Variants in SMG1 observed in about 807,000 individuals in gnomAD.
SMG1 encodes the protein serine/threonine-protein kinase SMG1.
In SMG1, 22 loss-of-function variants were observed where a neutral mutation model predicts 419.9. The observed-to-expected ratio is 0.05, with a 90% CI of 0.04 to 0.07. The LOEUF is 0.07. Ranked by LOEUF, SMG1 falls within the 10% of genes least tolerant of loss-of-function variation. The probability of loss-of-function intolerance (pLI) is 1.00; values close to 1 mark genes in which losing one functional copy is unlikely to be tolerated. For missense variants in SMG1, 3,185 were observed against 4,342.0 expected (o/e 0.73, Z 7.49); for synonymous variants, 1,538 against 1,553.5 (o/e 0.99, Z 0.23).
intron 1 of SMG1, among the ~76,000 whole-genome samples, chr16:18,913,703 C>T (rs550905571): frequency 6.6e-6 from 1 of 151,984 alleles, no homozygotes; most frequent in Admixed American, 6.6e-5. Context: ...CATGTATGTG[C>T]AGTGAGGCCA....
At chr16:18,862,471 T>G (rs889397444) in intron 25 of SMG1, among the ~76,000 whole-genome samples, 5 of 152,156 alleles carry the variant, frequency 3.3e-5, no homozygotes, top group African/African-American at 9.7e-5. Context: ...AGCTTAGACT[T>G]TCTCCTTAGT....
intron 38 of SMG1, 148 bp from the exon 39 acceptor site, chr16:18,845,799 T>C: frequency 1.5e-6 from 1 of 664,234 alleles, no homozygotes; most frequent in Non-Finnish European, 2.5e-6. Context: ...ACAAAGTAAA[T>C]TACTAACAAA....
In SMG1 at chr16:18,884,561, C is replaced by A. The variant is rs185650813; in HGVS notation, c.1022-394G>T. 1.9e-3 allele frequency among the ~76,000 whole-genome samples: 288 copies of A among 152,324 alleles called. 1 individual carries two copies. The highest frequency in any genetic ancestry group is 6.8e-3 in the South Asian group (33 of 4,830). On this transcript the variant is annotated intron_variant, in intron 8 of 62. Transcript: ENST00000446231. ...CAGTGAAAATGAAACAGGCCACTAT[C>A]ACCTGAATATCCTATTTTCAAAAGT...
intron 11 of SMG1, chr16:18,878,470 T>C (rs2036240975): frequency 6.6e-6 from 1 of 151,854 alleles, no homozygotes; most frequent in Non-Finnish European, 1.5e-5. Context: ...TAGCCAGGCA[T>C]GGTGGCATGC....
At position 18,804,880 on chromosome 16, in the gene SMG1, A is replaced by C. The variant is rs1173627319; in HGVS notation, c.*4689T>G. On this transcript the variant is annotated 3_prime_UTR_variant, in exon 63 of 63. Transcript: ENST00000446231. ...CTGTATCTTTTGAGACTGAACCTTT[A>C]TTTTCTGAAAAACAGGTATTTCATA... 6.6e-6 allele frequency: 1 copy of C among 152,644 alleles called. No individual in the cohort carries two copies. The highest frequency in any genetic ancestry group is 2.1e-4 in the South Asian group (1 of 4,832). The allele number at this position is 152,644 out of a possible 1,614,324, so 9.5% of individuals were successfully genotyped here. A position where few individuals can be genotyped will look rare whatever the true frequency, so the allele number is the denominator to read the frequency against.
At position 18,833,052 on chromosome 16, in the gene SMG1, T is replaced by G. The variant is rs372560461; in HGVS notation, c.8680A>C (p.Thr2894Pro). ...LHELDGLIEQ[T>P]TDGVPLQTLV... Reference sequence around the variant, plus strand: ...GTCTGCAGGGGAACGCCATCGGTGGTCTGCTCAATAAGACCGTCCAGTTCA... The same window carrying G: ...GTCTGCAGGGGAACGCCATCGGTGGGCTGCTCAATAAGACCGTCCAGTTCA... Residue 2894 changes from threonine (T) to proline (P), a missense_variant, in exon 51 of 63, where the codon ACC becomes CCC. Transcript: ENST00000446231. 6.2e-7 allele frequency: 1 copy of G among 1,614,016 alleles called. No homozygotes were observed. Among genetic ancestry groups the G allele is most frequent in the South Asian group, 1.1e-5 (1 of 91,082 alleles).
intron 51 of SMG1, among the ~76,000 whole-genome samples, chr16:18,831,629 G>A (rs1481747801): frequency 4.6e-5 from 7 of 151,184 alleles, no homozygotes; most frequent in Admixed American, 4.6e-4. Context: ...GGGGGCATAC[G>A]TCCATAGTCC....
chr16:18,809,700 T>C, intron 62 of SMG1, 54 bp from the exon 63 acceptor site: 1 of 1,387,764 alleles, frequency 7.2e-7, no homozygotes, highest in South Asian at 1.2e-5. Context: ...TTCAATTGTC[T>C]GCTGAATTAC....
intron 22 of SMG1, among the ~76,000 whole-genome samples, chr16:18,867,700 C>CTTTTTTTTTT (rs778044384): frequency 1.1e-5 from 1 of 87,876 alleles, no homozygotes; most frequent in Non-Finnish European, 2.1e-5. Flanking sequence ...ATTTTAACTT[C>CTTTTTTTTTT]TTTTTTTTTT....
rs200110408 is a variant in SMG1 at position 18,847,961 on chromosome 16, C to T, written c.5696G>A (p.Cys1899Tyr). Residue 1899 changes from cysteine to tyrosine, a missense_variant, in exon 37 of 63, where the codon TGT becomes TAT. This residue lies in a region of SMG1 where 130 missense variants were observed against 162.0 expected (regional missense o/e 0.80). Coordinates refer to ENST00000446231, the MANE Select transcript of SMG1 (RefSeq NM_015092.5). ...IQGEELLVSECEGGSPPASQD... is the reference protein window; with the variant it reads ...IQGEELLVSEYEGGSPPASQD... ...AGATGCAGGAGGACTTCCTCCCTCA[C>T]ATTCAGAAACCAGCAATTCTTCTCC... The T allele has an allele frequency of 1.1e-4, 171 of 1,613,992 alleles. No homozygotes were observed. In the East Asian group the frequency reaches 1.8e-3, roughly 17 times the overall value.
At position 18,831,790 on chromosome 16, in the gene SMG1, T is replaced by TATATAC. The variant is rs1303131673; in HGVS notation, c.8792+1149_8792+1150insGTATAT. The stretch of plus-strand genomic sequence containing the variant: ...AAAAAAATACATATATATATATATA[T>TATATAC]ACACACACACGTACATATTTATGAA... On this transcript the variant is annotated intron_variant, in intron 51 of 62. Transcript: ENST00000446231. 3.1e-3 allele frequency among the ~76,000 whole-genome samples: 421 copies of TATATAC among 137,306 alleles called. 1 individual carries two copies. Among genetic ancestry groups the TATATAC allele is most frequent in the Non-Finnish European group, 5.4e-3 (334 of 62,072 alleles). 90.1% of individuals were successfully genotyped at this position (137,306 alleles called of 152,430 possible).
intron 1 of SMG1, among the ~76,000 whole-genome samples, chr16:18,920,200 G>A (rs2038141276): frequency 6.6e-6 from 1 of 151,986 alleles, no homozygotes; most frequent in Admixed American, 6.6e-5. Context: ...TGACTAACAT[G>A]GTGAAACCCC....
rs1166799136 is a variant in SMG1 at position 18,808,089 on chromosome 16, T to G, written c.*1480A>C. The G allele has an allele frequency of 2.0e-5, 3 of 152,220 alleles. No homozygotes were observed. Among genetic ancestry groups the G allele is most frequent in the African/African-American group, 7.2e-5 (3 of 41,450 alleles). 9.4% of individuals were successfully genotyped at this position (152,220 alleles called of 1,614,324 possible). ...AATTAAGATTTTAATTGTGTTCTATTTTGTATTGATACTTGATTTTAAGAA... is the reference window on the plus strand; with the variant it reads ...AATTAAGATTTTAATTGTGTTCTATGTTGTATTGATACTTGATTTTAAGAA... On this transcript the variant is annotated 3_prime_UTR_variant, in exon 63 of 63. Transcript: ENST00000446231.
intron 4 of SMG1, among the ~76,000 whole-genome samples, chr16:18,891,767 A>C (rs548767061): frequency 1.1e-4 from 16 of 152,322 alleles, no homozygotes; most frequent in African/African-American, 3.1e-4. Context: ...AAAGAAAGTG[A>C]AGAAAAAAAT....
Position 18,845,630 on chromosome 16 carries a change from C to T in SMG1, c.6018G>A (p.Met2006Ile). The stretch of plus-strand genomic sequence containing the variant: ...TCATCAAAGCTGTGTGCTTCTCCCT[C>T]ATGATTGCAATTTTCTCTTCTCTGA... The part of the protein sequence containing the change: ...TLRKEEKIAI[M>I]REKHTALMKP... The change falls in exon 39 of 63, where the codon ATG (methionine) becomes ATA (isoleucine). Residue 2006 changes from methionine to isoleucine, a missense_variant. Coordinates refer to ENST00000446231, the MANE Select transcript of SMG1 (RefSeq NM_015092.5). 1 of 1,610,920 alleles carries T rather than the reference C, an allele frequency of 6.2e-7. No homozygotes were observed. The highest frequency in any genetic ancestry group is 1.1e-5 in the South Asian group (1 of 90,812).
intron 1 of SMG1, among the ~76,000 whole-genome samples, chr16:18,921,656 T>A (rs2038205774): frequency 6.6e-6 from 1 of 152,180 alleles, no homozygotes; most frequent in East Asian, 1.9e-4. Context: ...TCACTTAATT[T>A]TATCCTTTAT....
In SMG1 at chr16:18,815,312, G is replaced by A. The variant is rs116768738; in HGVS notation, c.10515-31C>T. 2.6e-4 allele frequency: 408 copies of A among 1,542,494 alleles called. 1 individual carries two copies. The African/African-American group carries it at 4.3e-3, about 16-fold the overall frequency. On this transcript the variant is annotated intron_variant, in intron 59 of 62. Transcript: ENST00000446231. Reference sequence around the variant, plus strand: ...ATACAAAATAAAATGGCTTATTTACGAAATGTTTTACCTGATACTACTTAT... The same window carrying A: ...ATACAAAATAAAATGGCTTATTTACAAAATGTTTTACCTGATACTACTTAT...
At chr16:18,894,485 A>C (rs1013171960) in intron 3 of SMG1, among the ~76,000 whole-genome samples, 3 of 152,202 alleles carry the variant, frequency 2.0e-5, no homozygotes, top group African/African-American at 7.2e-5. Context: ...ACTACTTTAG[A>C]GTCGCTGTTT....
At chr16:18,889,046 G>A (rs1222435479) in intron 6 of SMG1, among the ~76,000 whole-genome samples, 5 of 150,870 alleles carry the variant, frequency 3.3e-5, no homozygotes, top group South Asian at 2.1e-4. Flanking sequence ...GGATGGTCTC[G>A]ATCTCCTGAC....
Sources: allele counts gnomAD v4.1 joint callset (sites outside exome capture counted in the v4.1 genomes callset), GRCh38; gene constraint gnomAD v4.1.1; regional missense constraint gnomAD v4.1.1; transcripts MANE v1.5; gene names NCBI Gene and HGNC (gene_info 2026-07-23, HGNC 2026-07-21).